The following SMG7 variants were observed in gnomAD, a reference collection of about 807,000 sequenced individuals.
SMG7 encodes the protein SMG7 nonsense mediated mRNA decay factor.
A neutral mutation model predicts 148.2 loss-of-function variants in SMG7; 34 were observed. The observed-to-expected ratio is 0.23, with a 90% CI of 0.17 to 0.31. The LOEUF (loss-of-function observed/expected upper bound fraction) is 0.31, where lower values mean the gene tolerates loss of function less well. Ranked by LOEUF, SMG7 falls within the 10% of genes least tolerant of loss-of-function variation. SMG7 has a pLI of 1.00. For synonymous variants in SMG7, 492 were observed against 515.1 expected (o/e 0.96, Z 0.61); for missense variants, 1,114 against 1,408.4 (o/e 0.79, Z 3.35).
chr1:183,539,791 G>T (rs1029171717), intron 12 of SMG7, among the ~76,000 whole-genome samples: 1 of 152,124 alleles, frequency 6.6e-6, no homozygotes, highest in Non-Finnish European at 1.5e-5. Context: ...TTAGGTTCAA[G>T]TCCTTCCGTT....
intron 1 of SMG7, among the ~76,000 whole-genome samples, chr1:183,485,507 C>G (rs558493835): frequency 6.6e-6 from 1 of 152,238 alleles, no homozygotes; most frequent in South Asian, 2.1e-4. Context: ...CTATTCCTCC[C>G]TTATTATAGC....
intron 1 of SMG7, chr1:183,473,747 A>C (rs1651383302): frequency 1.0e-6 from 1 of 985,392 alleles, no homozygotes; most frequent in Non-Finnish European, 1.2e-6. Context: ...GGGAGGCCTT[A>C]TGGAAAGATG....
In SMG7 at chr1:183,533,691, T is replaced by C; in HGVS notation, c.1022T>C (p.Ile341Thr). 3.7e-6 allele frequency: 6 copies of C among 1,601,560 alleles called. No individual in the cohort carries two copies. Among genetic ancestry groups the C allele is most frequent in the Non-Finnish European group, 5.1e-6 (6 of 1,175,222 alleles). The change falls in exon 10 of 23, where the codon ATC (isoleucine) becomes ACC (threonine). Residue 341 changes from isoleucine (I) to threonine (T), a missense_variant. Ile to Thr is a moderately conservative substitution (Grantham distance 89, BLOSUM62 -1). Around this residue, in one of 4 missense-constraint regions of SMG7, gnomAD observed 102 missense variants for 147.2 expected, o/e 0.69. Coordinates refer to ENST00000688051, the MANE Select transcript of SMG7 (RefSeq NM_001375584.1). ...TTTTTTCAAGTGTCTTTTCTTGGCA[T>C]CCTGTGCAAGTGTCCTCTACAGAAT... The part of the protein sequence containing the change: ...LLALFMSFLG[I>T]LCKCPLQNES...
At chr1:183,508,251 T>A in intron 1 of SMG7, 2 of 382,580 alleles carry the variant, frequency 5.2e-6, no homozygotes, top group Non-Finnish European at 7.2e-6. Context: ...TGGAATGCAG[T>A]GGCACAAACA....
chr1:183,501,060 A>G (rs1659609318), intron 1 of SMG7: 1 of 152,194 alleles, frequency 6.6e-6, no homozygotes, highest in African/African-American at 2.4e-5. Flanking sequence ...GTTCTATTCT[A>G]GAATTGATTA....
At chr1:183,498,972 T>C (rs1659170667) in intron 1 of SMG7, among the ~76,000 whole-genome samples, 1 of 152,244 alleles carries the variant, frequency 6.6e-6, no homozygotes, top group Non-Finnish European at 1.5e-5. Context: ...TCCATAGTTC[T>C]TGCCTTTTCC....
Position 183,515,938 on chromosome 1 carries a change from A to G in SMG7, c.126A>G (p.Lys42=). ...AGGCTCTGCAGGACCTGTACCAGAA[A>G]ATGCTAGTTACCGATTTGGAATACG... ...SRQALQDLYQ[K]MLVTDLEYAL... is the part of the protein sequence containing the mutation. The change falls in exon 3 of 23, where the codon AAA becomes AAG. Residue 42 remains lysine, a synonymous_variant. Transcript: ENST00000688051. The G allele has an allele frequency of 1.2e-6, 2 of 1,613,706 alleles. No individual in the cohort carries two copies. Among genetic ancestry groups the G allele is most frequent in the South Asian group, 1.1e-5 (1 of 91,016 alleles).
chr1:183,489,660 A>G (rs1656439297), intron 1 of SMG7, among the ~76,000 whole-genome samples: 1 of 152,222 alleles, frequency 6.6e-6, no homozygotes, highest in South Asian at 2.1e-4. Flanking sequence ...GTCTTCAATA[A>G]TGGTGAGACT....
Position 183,547,112 on chromosome 1 carries a change from A to G in SMG7, c.2752A>G (p.Ser918Gly). Residue 918 changes from serine (S) to glycine (G), a missense_variant, in exon 18 of 23, where the codon AGC becomes GGC. By Grantham distance (56) the Ser-to-Gly change is moderately conservative. Transcript: ENST00000688051. ...VPRMPFEDPK[S>G]SPLLPPDLLK... is the part of the protein sequence containing the mutation. ...TGCTTTCTGTCACTAGGACCCCAAG[A>G]GCTCCCCTCTGCTTCCTCCGGACCT... is the stretch of plus-strand genomic sequence containing the variant. 1 of 1,549,742 alleles carries G rather than the reference A, an allele frequency of 6.5e-7. No individual in the cohort carries two copies. The highest frequency in any genetic ancestry group is 8.7e-7 in the Non-Finnish European group (1 of 1,146,558).
At chr1:183,508,606 T>A (rs988361484) in intron 1 of SMG7, among the ~76,000 whole-genome samples, 2 of 152,184 alleles carry the variant, frequency 1.3e-5, no homozygotes, top group African/African-American at 4.8e-5. Context: ...TTGTACACTG[T>A]TTTTTAAAAA....
At chr1:183,477,463 T>C (rs1317368474) in intron 1 of SMG7, among the ~76,000 whole-genome samples, 2 of 151,542 alleles carry the variant, frequency 1.3e-5, no homozygotes, top group Non-Finnish European at 1.5e-5. Flanking sequence ...TGTGTGCATA[T>C]GTGTATATAT....
At chr1:183,504,761 C>T (rs967734179) in intron 1 of SMG7, among the ~76,000 whole-genome samples, 11 of 152,118 alleles carry the variant, frequency 7.2e-5, no homozygotes, top group Admixed American at 3.9e-4. Context: ...CTCAGCTTAT[C>T]CCCCTCTTAC....
intron 8 of SMG7, 75 bp from the exon 9 acceptor site, chr1:183,533,089 A>T (rs1050556213): frequency 8.0e-7 from 1 of 1,252,194 alleles, no homozygotes; most frequent in Non-Finnish European, 1.1e-6. Context: ...AATGCAGACT[A>T]CCAGTTTAAT....
intron 11 of SMG7, among the ~76,000 whole-genome samples, chr1:183,537,455 A>G (rs1667995575): frequency 6.6e-6 from 1 of 152,172 alleles, no homozygotes; most frequent in African/African-American, 2.4e-5. Flanking sequence ...TAATACCTTC[A>G]GATTCTTTCA....
intron 13 of SMG7, among the ~76,000 whole-genome samples, chr1:183,541,581 C>T (rs191895071): frequency 3.0e-4 from 45 of 152,092 alleles, no homozygotes; most frequent in Admixed American, 2.7e-3. Flanking sequence ...TTTCGAGTTC[C>T]GCAGCTTCTC....
chr1:183,505,288 A>G (rs1319016811), intron 1 of SMG7, among the ~76,000 whole-genome samples: 1 of 152,076 alleles, frequency 6.6e-6, no homozygotes, highest in African/African-American at 2.4e-5. Flanking sequence ...TATTTCACCA[A>G]ATCTGACACA....
At chr1:183,521,695 A>T (rs865791765) in intron 4 of SMG7, among the ~76,000 whole-genome samples, 5 of 151,982 alleles carry the variant, frequency 3.3e-5, no homozygotes, top group African/African-American at 1.2e-4. Context: ...GTGAGACCCT[A>T]TTCTACAAAG....
chr1:183,502,883 A>T (rs779227546), intron 1 of SMG7, among the ~76,000 whole-genome samples: 5 of 152,216 alleles, frequency 3.3e-5, no homozygotes. Context: ...CCTCTTGTAC[A>T]TGTGAATTAG....
Position 183,528,926 on chromosome 1 carries a change from T to G in SMG7, c.591T>G (p.Ser197=). The change falls in exon 7 of 23, where the codon TCT becomes TCG. Residue 197 remains serine, a synonymous_variant. Transcript: ENST00000688051. Reference sequence around the variant, plus strand: ...ATAATCAGTTGGCTATCTTAGCTTCTTCCAAAGGAGACCATCTGACCACAA... The same window carrying G: ...ATAATCAGTTGGCTATCTTAGCTTCGTCCAAAGGAGACCATCTGACCACAA... The part of the protein sequence containing the change: ...QPYNQLAILA[S]SKGDHLTTIF... The G allele has an allele frequency of 6.2e-7, 1 of 1,613,544 alleles. No homozygotes were observed. Among genetic ancestry groups the G allele is most frequent in the Non-Finnish European group, 8.5e-7 (1 of 1,179,580 alleles).
Sources: gnomAD v4.1 joint callset for allele counts (sites outside exome capture counted in the v4.1 genomes callset) on GRCh38, gnomAD v4.1.1 for gene constraint, gnomAD v4.1.1 regional missense constraint, MANE v1.5 for transcripts, NCBI Gene and HGNC (gene_info 2026-07-23, HGNC 2026-07-21) for gene names.